TRMT11: variants seen among roughly 807,000 people sequenced by gnomAD.
The protein encoded by TRMT11 is tRNA (guanine(10)-N(2))-methyltransferase TRMT11.
A neutral mutation model predicts 62.8 loss-of-function variants in TRMT11; 53 were observed. The ratio of observed to expected loss-of-function variants is 0.84; its 90% CI spans 0.68 to 1.06. The LOEUF is 1.06. TRMT11 is among the 50% of genes least tolerant of loss of function. The probability of loss-of-function intolerance (pLI) is 0.00; values close to 1 mark genes in which losing one functional copy is unlikely to be tolerated. For missense variants in TRMT11, 556 were observed against 553.4 expected (o/e 1.00, Z -0.05); for synonymous variants, 188 against 190.3 (o/e 0.99, Z 0.10).
At chr6:126,255,191 A>G in the TRMT11 span, among the ~76,000 whole-genome samples, 1 of 152,230 alleles carries the variant, frequency 6.6e-6, no homozygotes, top group Non-Finnish European at 1.5e-5. Context: ...AAGAGAAAAT[A>G]AAAGTAATAA....
chr6:126,168,864 T>C (rs996334228), intron 21 of TRMT11, among the ~76,000 whole-genome samples: 2 of 152,248 alleles, frequency 1.3e-5, no homozygotes, highest in Non-Finnish European at 2.9e-5. Flanking sequence ...CTTTATTTTA[T>C]GGGTGAGTCT....
At position 126,021,266 on chromosome 6, in the gene TRMT11, G is replaced by A. The variant is rs1795771392; in HGVS notation, c.1246G>A (p.Val416Met). The change falls in exon 12 of 13, where the codon GTG becomes ATG. Residue 416 changes from valine (V) to methionine (M), a missense_variant. By Grantham distance (21) the Val-to-Met change is conservative (BLOSUM62 1). Transcript: ENST00000334379. ...TSRRLITMEK[V>M]KKFENRDQYS... ...AAGGCGCTTGATCACAATGGAAAAGGTGAAGAAATTTGAGGTAAATTGCTT... is the reference window on the plus strand; with the variant it reads ...AAGGCGCTTGATCACAATGGAAAAGATGAAGAAATTTGAGGTAAATTGCTT... 3 of 1,613,936 alleles carry A rather than the reference G, an allele frequency of 1.9e-6. No individual in the cohort carries two copies. The highest frequency in any genetic ancestry group is 1.3e-5 in the African/African-American group (1 of 75,074).
the TRMT11 span, chr6:126,257,852 A>T: frequency 8.7e-7 from 1 of 1,147,566 alleles, no homozygotes; most frequent in Non-Finnish European, 1.3e-6. Flanking sequence ...GTCCGCTGGT[A>T]TTGCTCTTGC....
intron 7 of TRMT11, among the ~76,000 whole-genome samples, chr6:126,006,035 T>A (rs928769813): frequency 1.3e-5 from 2 of 152,004 alleles, no homozygotes; most frequent in African/African-American, 4.8e-5. Context: ...GTCCTGGTTC[T>A]GGGAAGAGAA....
upstream of TRMT11, among the ~76,000 whole-genome samples, chr6:126,172,369 G>A (rs2128236686): frequency 6.6e-6 from 1 of 152,206 alleles, no homozygotes; most frequent in Non-Finnish European, 1.5e-5. Context: ...CACTAATCCT[G>A]TGGGCCATCT....
chr6:126,034,559 A>T (rs1053743237), intron 12 of TRMT11, among the ~76,000 whole-genome samples: 5 of 152,122 alleles, frequency 3.3e-5, no homozygotes, highest in African/African-American at 1.2e-4. Flanking sequence ...ATATCGTCTT[A>T]ATTACTATCA....
At chr6:126,070,131 G>A (rs1776809962) in intron 17 of TRMT11, among the ~76,000 whole-genome samples, 1 of 152,168 alleles carries the variant, frequency 6.6e-6, no homozygotes, top group Non-Finnish European at 1.5e-5. Context: ...CTAAATGCAG[G>A]AAAGAGATAA....
chr6:126,120,844 C>T (rs754065318), intron 21 of TRMT11, among the ~76,000 whole-genome samples: 1 of 152,142 alleles, frequency 6.6e-6, no homozygotes, highest in Non-Finnish European at 1.5e-5. Context: ...TAAATAGTTT[C>T]ATCTATTCAC....
chr6:126,201,499 T>C (rs1163011343), intron 3 of TRMT11, among the ~76,000 whole-genome samples: 1 of 152,220 alleles, frequency 6.6e-6, no homozygotes, highest in African/African-American at 2.4e-5. Context: ...ATGTCCCTCC[T>C]GTGGATTGAT....
intron 1 of TRMT11, among the ~76,000 whole-genome samples, chr6:126,181,242 G>A (rs1330551861): frequency 6.6e-6 from 1 of 152,178 alleles, no homozygotes; most frequent in African/African-American, 2.4e-5. Flanking sequence ...GTGTCTGGGT[G>A]AAATTTTCCT....
intron 11 of TRMT11, among the ~76,000 whole-genome samples, chr6:126,013,501 T>A (rs1411251809): frequency 6.6e-6 from 1 of 152,184 alleles, no homozygotes; most frequent in Non-Finnish European, 1.5e-5. Flanking sequence ...GCTCAAGCAG[T>A]CTACCTGCCT....
At chr6:126,125,922 A>G (rs1047618267) in intron 21 of TRMT11, among the ~76,000 whole-genome samples, 1 of 152,128 alleles carries the variant, frequency 6.6e-6, no homozygotes, top group Non-Finnish European at 1.5e-5. Flanking sequence ...CGAAACACAC[A>G]TGCATGCACA....
At chr6:126,237,470 A>G in the TRMT11 span, among the ~76,000 whole-genome samples, 1 of 152,114 alleles carries the variant, frequency 6.6e-6, no homozygotes, top group South Asian at 2.1e-4. Flanking sequence ...GCTTAAGCTC[A>G]GGAGTTTGAA....
At chr6:126,151,553 C>T (rs186023801) in intron 21 of TRMT11, among the ~76,000 whole-genome samples, 75 of 152,310 alleles carry the variant, frequency 4.9e-4, no homozygotes, top group African/African-American at 1.7e-3. Flanking sequence ...ACCCAAGGAA[C>T]GATTGTTAAC....
intron 17 of TRMT11, among the ~76,000 whole-genome samples, chr6:126,082,936 GA>G (rs1777174418): frequency 6.6e-6 from 1 of 151,928 alleles, no homozygotes; most frequent in Non-Finnish European, 1.5e-5. Context: ...CTACAGATGA[GA>G]AAAAAATATT....
intron 17 of TRMT11, among the ~76,000 whole-genome samples, chr6:126,112,334 T>A (rs1273104048): frequency 6.6e-6 from 1 of 152,178 alleles, no homozygotes; most frequent in African/African-American, 2.4e-5. Context: ...TCCCTGTAGA[T>A]CTGAGAAATA....
chr6:126,207,276 A>G (rs570650602), downstream of TRMT11, among the ~76,000 whole-genome samples: 15 of 152,278 alleles, frequency 9.9e-5, no homozygotes, highest in African/African-American at 3.4e-4. Flanking sequence ...TTTGGAGGTG[A>G]ATATGAAGGG....
chr6:126,203,026 T>G (rs548219583), downstream of TRMT11, among the ~76,000 whole-genome samples: 39 of 152,326 alleles, frequency 2.6e-4, no homozygotes, highest in African/African-American at 9.4e-4. Context: ...CAGCAAAGTA[T>G]GAATTTCTGA....
chr6:126,183,299 C>T (rs1191240927), intron 1 of TRMT11, among the ~76,000 whole-genome samples: 1 of 151,980 alleles, frequency 6.6e-6, no homozygotes, highest in Non-Finnish European at 1.5e-5. Context: ...TTTTATGAGC[C>T]GAGTCTTTCC....
Sources: allele counts gnomAD v4.1 joint callset (sites outside exome capture counted in the v4.1 genomes callset), GRCh38; gene constraint gnomAD v4.1.1; transcripts MANE v1.5; gene names NCBI Gene and HGNC (gene_info 2026-07-23, HGNC 2026-07-21).